Variants in POU2F1 observed in about 807,000 individuals in gnomAD.
The protein encoded by POU2F1 is POU domain, class 2, transcription factor 1.
POU2F1 carries 16 observed loss-of-function variants against 84.9 expected under a neutral mutation model. The ratio of observed to expected loss-of-function variants is 0.19; its 90% CI spans 0.13 to 0.29. POU2F1 has a LOEUF of 0.29. POU2F1 is among the 10% of genes least tolerant of loss of function. The pLI, the probability that POU2F1 is intolerant of heterozygous loss-of-function variation, is 1.00. For missense variants in POU2F1, 738 were observed against 942.6 expected, an observed-to-expected ratio of 0.78 and a Z score of 2.84; for synonymous variants, 368 against 368.3, an observed-to-expected ratio of 1.00 and a Z score of 0.01.
chr1:167,373,833 T>C (rs1445087561), intron 5 of POU2F1, among the ~76,000 whole-genome samples: 1 of 152,070 alleles, frequency 6.6e-6, no homozygotes, highest in Non-Finnish European at 1.5e-5. Context: ...TTTTTTTTTT[T>C]CTTGCTTACT....
intron 1 of POU2F1, among the ~76,000 whole-genome samples, chr1:167,331,154 T>C (rs1657058501): frequency 6.6e-6 from 1 of 152,076 alleles, no homozygotes; most frequent in Non-Finnish European, 1.5e-5. Flanking sequence ...CTTTGAACAT[T>C]AGAAGACCAA....
At chr1:167,335,662 G>T (rs1233329781) in intron 2 of POU2F1, among the ~76,000 whole-genome samples, 1 of 152,180 alleles carries the variant, frequency 6.6e-6, no homozygotes, top group Non-Finnish European at 1.5e-5. Context: ...CTGAGAGGAA[G>T]GCAGGGATAA....
At chr1:167,326,648 G>A (rs558765760) in intron 1 of POU2F1, among the ~76,000 whole-genome samples, 20 of 152,214 alleles carry the variant, frequency 1.3e-4, no homozygotes, top group African/African-American at 4.1e-4. Context: ...GGGAAGCGGG[G>A]GGTCCCACTC....
intron 1 of POU2F1, among the ~76,000 whole-genome samples, chr1:167,275,547 A>G (rs1170111803): frequency 6.6e-6 from 1 of 152,170 alleles, no homozygotes; most frequent in Admixed American, 6.5e-5. Flanking sequence ...CAGATTTTTC[A>G]TTCCCACTTT....
chr1:167,237,985 T>C (rs1246869264), intron 1 of POU2F1, among the ~76,000 whole-genome samples: 1 of 151,696 alleles, frequency 6.6e-6, no homozygotes, highest in East Asian at 1.9e-4. Flanking sequence ...TTTCACTGTG[T>C]TGGCCAGGCT....
At position 167,387,963 on chromosome 1, in the gene POU2F1, C is replaced by G. The variant is rs57943787; in HGVS notation, c.814-1625C>G. Among the ~76,000 whole-genome samples the G allele has an allele frequency of 5.2e-3, 799 of 152,244 alleles. 10 individuals carry two copies. The highest frequency in any genetic ancestry group is 0.018 in the African/African-American group (735 of 41,534). On this transcript the variant is annotated intron_variant, in intron 8 of 15. Transcript: ENST00000367866. ...CAATGTTAGAAATAAGTGAAGCTTTCTCAGATTTGAAGTAACAGGATATAT... is the reference window on the plus strand; with the variant it reads ...CAATGTTAGAAATAAGTGAAGCTTTGTCAGATTTGAAGTAACAGGATATAT...
At chr1:167,371,816 A>G in intron 4 of POU2F1, 101 bp from the exon 5 acceptor site, 1 of 1,510,176 alleles carries the variant, frequency 6.6e-7, no homozygotes, top group Non-Finnish European at 9.2e-7. Flanking sequence ...TCATGACTGA[A>G]TAAGCTCATG....
At chr1:167,251,478 T>G (rs550208429) in intron 1 of POU2F1, among the ~76,000 whole-genome samples, 1 of 152,318 alleles carries the variant, frequency 6.6e-6, no homozygotes, top group East Asian at 1.9e-4. Flanking sequence ...AGGCCTAGTA[T>G]TTGTCAAATT....
At chr1:167,235,428 T>C (rs1649377812) in intron 1 of POU2F1, among the ~76,000 whole-genome samples, 1 of 152,234 alleles carries the variant, frequency 6.6e-6, no homozygotes, top group Non-Finnish European at 1.5e-5. Flanking sequence ...ATTAACAATT[T>C]ATGAGTGTTG....
chr1:167,309,230 A>G (rs1655294565), intron 1 of POU2F1, among the ~76,000 whole-genome samples: 1 of 152,094 alleles, frequency 6.6e-6, no homozygotes, highest in Non-Finnish European at 1.5e-5. Context: ...CACTCCATGG[A>G]CAGAACTAGA....
At chr1:167,341,675 C>G (rs569504573) in intron 2 of POU2F1, among the ~76,000 whole-genome samples, 2 of 152,158 alleles carry the variant, frequency 1.3e-5, no homozygotes, top group African/African-American at 2.4e-5. Flanking sequence ...GTCTGCAACT[C>G]CCAAAGCCCA....
chr1:167,224,297 C>T (rs61814912), intron 1 of POU2F1, among the ~76,000 whole-genome samples: 123 of 152,274 alleles, frequency 8.1e-4, no homozygotes, highest in Non-Finnish European at 1.5e-3. Context: ...TTAATCAGAG[C>T]ATGGCTTAGG....
intron 1 of POU2F1, among the ~76,000 whole-genome samples, chr1:167,256,373 T>C (rs1571176698): frequency 6.6e-6 from 1 of 151,808 alleles, no homozygotes; most frequent in Admixed American, 6.6e-5. Context: ...TTCTTTTTTT[T>C]TTTTTTTTGC....
intron 2 of POU2F1, among the ~76,000 whole-genome samples, chr1:167,358,003 C>T (rs1370522934): frequency 2.0e-5 from 3 of 151,528 alleles, no homozygotes; most frequent in Non-Finnish European, 4.4e-5. Context: ...GGGGTTTCAC[C>T]GTGTTGGCCA....
rs184195441 is a variant in POU2F1, at chr1:167,240,020, G to A, written c.61+19062G>A. Among the ~76,000 whole-genome samples the A allele has an allele frequency of 4.2e-3, 640 of 151,408 alleles. 11 individuals carry two copies. The highest frequency in any genetic ancestry group is 0.015 in the African/African-American group (619 of 41,348). On this transcript the variant is annotated intron_variant, in intron 1 of 15. Coordinates refer to ENST00000367866, the MANE Select transcript of POU2F1 (RefSeq NM_002697.4). The stretch of plus-strand genomic sequence containing the variant: ...TTTTGACATGACACACAACTCAAAT[G>A]CCATAAAAGGAAAAGATGGATAGAT...
chr1:167,329,651 A>G lies in POU2F1; in HGVS notation c.62-2819A>G, dbSNP rs114278734. ...AATCTGAAACAAGGCATAGAACTGT[A>G]CATATATAATATATACATATTAATA... On this transcript the variant is annotated intron_variant, in intron 1 of 15. Transcript: ENST00000367866. Among the ~76,000 whole-genome samples the G allele has an allele frequency of 3.8e-3, 581 of 152,268 alleles. 3 individuals are homozygous for G. Among genetic ancestry groups the G allele is most frequent in the African/African-American group, 0.013 (559 of 41,554 alleles).
intron 1 of POU2F1, among the ~76,000 whole-genome samples, chr1:167,328,272 A>G (rs912489251): frequency 6.6e-6 from 1 of 152,186 alleles, no homozygotes; most frequent in African/African-American, 2.4e-5. Flanking sequence ...TGGTAATATA[A>G]AAAGATTTGT....
intron 1 of POU2F1, among the ~76,000 whole-genome samples, chr1:167,237,785 T>A (rs1314272275): frequency 2.7e-3 from 355 of 130,790 alleles, no homozygotes; most frequent in Non-Finnish European, 4.3e-3. Context: ...TTTTTTTTTT[T>A]TTTTTTTTTT....
At chr1:167,396,585 A>C (rs993389786) in intron 10 of POU2F1, 158 bp downstream of exon 10, 1 of 711,026 alleles carries the variant, frequency 1.4e-6, no homozygotes, top group Non-Finnish European at 2.2e-6. Context: ...TGGTGATATA[A>C]ATCAGAAAGC....
Sources: allele counts gnomAD v4.1 joint callset (sites outside exome capture counted in the v4.1 genomes callset), GRCh38; gene constraint gnomAD v4.1.1; transcripts MANE v1.5; gene names NCBI Gene and HGNC (gene_info 2026-07-23, HGNC 2026-07-21).